Variants in ATP23 observed in about 807,000 individuals in gnomAD.
ATP23 encodes the protein mitochondrial inner membrane protease ATP23 homolog.
A neutral mutation model predicts 28.5 loss-of-function variants in ATP23; 24 were observed. The ratio of observed to expected loss-of-function variants is 0.84; its 90% CI spans 0.61 to 1.18. The LOEUF (loss-of-function observed/expected upper bound fraction) is 1.18. Ranked by LOEUF, ATP23 falls within the 50% of genes most tolerant of loss-of-function variation. The pLI, the probability that ATP23 is intolerant of heterozygous loss-of-function variation, is 0.00. For synonymous variants in ATP23, 99 were observed against 108.6 expected, an observed-to-expected ratio of 0.91 and a Z score of 0.55; for missense variants, 274 against 306.4, an observed-to-expected ratio of 0.89 and a Z score of 0.79.
intron 3 of ATP23, among the ~76,000 whole-genome samples, chr12:57,949,083 C>T (rs1214201853): frequency 6.6e-6 from 1 of 152,150 alleles, no homozygotes; most frequent in African/African-American, 2.4e-5. Context: ...TTGATTGTTT[C>T]CAACTTTGTT....
In ATP23 at chr12:57,956,879, T is replaced by G. The variant is rs1246080609; in HGVS notation, c.730T>G (p.Ser244Ala). ...CTTTGAAAACCGTGATCGGTATTAT[T>G]CAAATATATGAGCACAATGACATTT... The part of the protein sequence containing the change: ...RDFENRDRYY[S>A]NI Residue 244 changes from serine to alanine, a missense_variant, in exon 6 of 6, where the codon TCA becomes GCA. Physicochemically the swap from Ser to Ala is moderately conservative, Grantham distance 99. Coordinates refer to ENST00000300145, the MANE Select transcript of ATP23 (RefSeq NM_033276.4). The G allele has an allele frequency of 6.2e-7, 1 of 1,607,604 alleles. No homozygotes were observed. The highest frequency in any genetic ancestry group is 8.5e-7 in the Non-Finnish European group (1 of 1,178,178).
Position 57,957,050 on chromosome 12 carries a change from C to A in ATP23, c.*160C>A. The A allele has an allele frequency of 1.9e-6, 1 of 536,264 alleles. No individual in the cohort carries two copies. The allele number at this position is 536,264 out of a possible 1,614,324, so 33.2% of individuals were successfully genotyped here. A position where few individuals can be genotyped will look rare whatever the true frequency, so the allele number is the denominator to read the frequency against. ...ATATTATCAGAAAAAGTAACTATGG[C>A]AAAAAATGAAACTGCTTTAAACTCC... On this transcript the variant is annotated 3_prime_UTR_variant, in exon 6 of 6. Coordinates refer to ENST00000300145, the MANE Select transcript of ATP23 (RefSeq NM_033276.4).
chr12:57,956,636 T>C lies in ATP23; in HGVS notation c.538-51T>C, dbSNP rs374937042. 4 of 1,303,966 alleles carry C rather than the reference T, an allele frequency of 3.1e-6. No homozygotes were observed. In the Admixed American group the frequency reaches 7.3e-5, roughly 24 times the overall value. The allele number at this position is 1,303,966 out of a possible 1,614,324, so 80.8% of individuals were successfully genotyped here. On this transcript the variant is annotated intron_variant, in intron 5 of 5. Coordinates refer to ENST00000300145, the MANE Select transcript of ATP23 (RefSeq NM_033276.4). ...ACATTAGATAAAATGTATTATTTCG[T>C]GATTAAATGTTTATATAAAATTAGA...
chr12:57,954,159 C>T (rs1203948534), intron 5 of ATP23, among the ~76,000 whole-genome samples: 1 of 140,674 alleles, frequency 7.1e-6, no homozygotes, highest in Non-Finnish European at 1.5e-5. Flanking sequence ...CATGCCACTG[C>T]ACTCCAGTCT....
chr12:57,956,791 T>C lies in ATP23; in HGVS notation c.642T>C (p.Asn214=), dbSNP rs1419001676. 5.0e-6 allele frequency: 8 copies of C among 1,614,012 alleles called. No homozygotes were observed. The East Asian group carries it at 1.8e-4, about 36-fold the overall frequency. The change falls in exon 6 of 6, where the codon AAT becomes AAC. Residue 214 remains asparagine (N), a synonymous_variant. Transcript: ENST00000300145. ...AVDEVFESCF[N]DHEPFGRIPH... ...ATGAAGTTTTTGAATCTTGTTTCAA[T>C]GACCATGAACCTTTTGGAAGGATCC...
At chr12:57,951,663 T>G in intron 3 of ATP23, 95 bp from the exon 4 acceptor site, 1 of 1,374,282 alleles carries the variant, frequency 7.3e-7, no homozygotes, top group Non-Finnish European at 1.0e-6. Flanking sequence ...CAGGTGAGCT[T>G]GTGGGGGAGA....
intron 4 of ATP23, 90 bp from the exon 5 acceptor site, chr12:57,953,515 AT>A: frequency 9.6e-7 from 1 of 1,040,452 alleles, no homozygotes; most frequent in Non-Finnish European, 1.4e-6. Context: ...CTAATTTTAT[AT>A]TCTTTTCTAA....
chr12:57,956,870 C>A lies in ATP23; in HGVS notation c.721C>A (p.Arg241=). The A allele has an allele frequency of 6.2e-7, 1 of 1,609,040 alleles. No homozygotes were observed. The highest frequency in any genetic ancestry group is 1.7e-5 in the Admixed American group (1 of 58,756). Residue 241 remains arginine (R), a synonymous_variant, in exon 6 of 6, where the codon CGG becomes AGG. Transcript: ENST00000300145. ...YAHRDFENRD[R]YYSNI is the part of the protein sequence containing the mutation. ...TCACAGAGACTTTGAAAACCGTGATCGGTATTATTCAAATATATGAGCACA... is the reference window on the plus strand; with the variant it reads ...TCACAGAGACTTTGAAAACCGTGATAGGTATTATTCAAATATATGAGCACA...
chr12:57,950,315 A>G (rs1174245807), intron 3 of ATP23, among the ~76,000 whole-genome samples: 1 of 151,806 alleles, frequency 6.6e-6, no homozygotes, highest in Non-Finnish European at 1.5e-5. Context: ...GCTGTGCTTC[A>G]ACTCTAGGGC....
intron 3 of ATP23, among the ~76,000 whole-genome samples, chr12:57,948,920 T>C (rs1357028643): frequency 2.6e-5 from 4 of 152,264 alleles, no homozygotes; most frequent in Non-Finnish European, 5.9e-5. Context: ...TGTAGTATTA[T>C]GAAATTGTAC....
At chr12:57,952,635 G>T (rs11172393) in intron 4 of ATP23, among the ~76,000 whole-genome samples, 1 of 152,112 alleles carries the variant, frequency 6.6e-6, no homozygotes, top group African/African-American at 2.4e-5. Flanking sequence ...ATATAACTTC[G>T]ATTATTTCCC....
chr12:57,942,751 G>A (rs763017307), intron 1 of ATP23, among the ~76,000 whole-genome samples: 4 of 151,956 alleles, frequency 2.6e-5, no homozygotes, highest in Non-Finnish European at 5.9e-5. Context: ...GGTCGGGGGA[G>A]AGAGTTAATA....
intron 3 of ATP23, among the ~76,000 whole-genome samples, chr12:57,951,143 T>C (rs576081752): frequency 1.3e-5 from 2 of 152,370 alleles, no homozygotes; most frequent in South Asian, 4.1e-4. Context: ...TCTGAAGGTC[T>C]TTCTGATGAG....
intron 1 of ATP23, among the ~76,000 whole-genome samples, chr12:57,944,731 T>C (rs1396252250): frequency 6.6e-6 from 1 of 152,252 alleles, no homozygotes; most frequent in African/African-American, 2.4e-5. Context: ...AAATATTAAC[T>C]GAATCTAGTC....
At chr12:57,946,476 G>C (rs1322589593) in intron 2 of ATP23, among the ~76,000 whole-genome samples, 1 of 116,644 alleles carries the variant, frequency 8.6e-6, no homozygotes, top group Non-Finnish European at 1.7e-5. Flanking sequence ...TTTTTGAGAC[G>C]TAGTTTTGCT....
intron 5 of ATP23, 125 bp downstream of exon 5, chr12:57,953,814 G>A (rs1956838626): frequency 2.4e-6 from 2 of 834,600 alleles, no homozygotes; most frequent in Non-Finnish European, 3.8e-6. Flanking sequence ...AGAATACAAA[G>A]TATGTACCAT....
chr12:57,959,017 A>G lies in ATP23; in HGVS notation c.*2127A>G, dbSNP rs1956893741. 6.6e-6 allele frequency among the ~76,000 whole-genome samples: 1 copy of G among 152,168 alleles called. No homozygotes were observed. The highest frequency in any genetic ancestry group is 2.4e-5 in the African/African-American group (1 of 41,456). The stretch of plus-strand genomic sequence containing the variant: ...ATAAGAAGTGAAGGGAGAAATATTC[A>G]AGGAAATGGAGAGCTTAAAGAAAAA... On this transcript the variant is annotated 3_prime_UTR_variant, in exon 6 of 6. Coordinates refer to ENST00000300145, the MANE Select transcript of ATP23 (RefSeq NM_033276.4).
intron 3 of ATP23, among the ~76,000 whole-genome samples, chr12:57,948,233 A>G (rs1233204005): frequency 2.0e-5 from 3 of 152,058 alleles, no homozygotes; most frequent in Non-Finnish European, 4.4e-5. Context: ...AATTCTCAGC[A>G]GTGTTGAACA....
chr12:57,953,580 C>A, intron 4 of ATP23, 26 bp from the exon 5 acceptor site: 1 of 1,602,224 alleles, frequency 6.2e-7, no homozygotes, highest in Non-Finnish European at 8.5e-7. Context: ...GCGTTTATTT[C>A]TTTTTATTTG....
Sources: allele counts gnomAD v4.1 joint callset (sites outside exome capture counted in the v4.1 genomes callset), GRCh38; gene constraint gnomAD v4.1.1; transcripts MANE v1.5; gene names NCBI Gene and HGNC (gene_info 2026-07-23, HGNC 2026-07-21).